The following KIAA1549L variants were observed in gnomAD, a reference collection of about 807,000 sequenced individuals.
KIAA1549L encodes the protein UPF0606 protein KIAA1549L.
Under a neutral mutation model 160.7 loss-of-function variants are expected in KIAA1549L, and 88 were observed. The ratio of observed to expected loss-of-function variants is 0.55; its 90% CI spans 0.46 to 0.65. KIAA1549L has a LOEUF of 0.65. Among genes scored for constraint, KIAA1549L ranks in the 30% least tolerant of loss-of-function variants. KIAA1549L has a pLI of 0.00. For missense variants in KIAA1549L, 2,258 were observed against 2,437.5 expected (o/e 0.93, Z 1.55); for synonymous variants, 950 against 976.7 (o/e 0.97, Z 0.51).
At chr11:33,417,509 A>G (rs886782820) in intron 1 of KIAA1549L, among the ~76,000 whole-genome samples, 1 of 152,216 alleles carries the variant, frequency 6.6e-6, no homozygotes, top group Admixed American at 6.5e-5. Context: ...ATTGCCTTGC[A>G]TGACCTGCCC....
chr11:33,449,246 C>G (rs75457615), intron 1 of KIAA1549L, among the ~76,000 whole-genome samples: 7 of 147,090 alleles, frequency 4.8e-5, no homozygotes, highest in African/African-American at 1.5e-4. Flanking sequence ...TTTTTTTTTT[C>G]TGTGTGTGAT....
intron 1 of KIAA1549L, among the ~76,000 whole-genome samples, chr11:33,506,345 C>T (rs1019948380): frequency 6.6e-6 from 1 of 152,180 alleles, no homozygotes; most frequent in African/African-American, 2.4e-5. Flanking sequence ...GCTGGGGCTG[C>T]AAGGCGCTCG....
rs1440666374 is a variant in KIAA1549L, at chr11:33,602,019, A to G, written c.4879+3072A>G. On this transcript the variant is annotated intron_variant, in intron 13 of 20. Coordinates refer to ENST00000658780, the MANE Select transcript of KIAA1549L (RefSeq NM_012194.3). Reference sequence around the variant, plus strand: ...GAGCCAATTTCTAAACATGGAAAATATGTTTAATAGGAAAGAGTTAAAAGT... The same window carrying G: ...GAGCCAATTTCTAAACATGGAAAATGTGTTTAATAGGAAAGAGTTAAAAGT... Among the ~76,000 whole-genome samples, 72 of 152,264 alleles carry G rather than the reference A, an allele frequency of 4.7e-4. 1 individual carries two copies. The highest frequency in any genetic ancestry group is 1.5e-5 in the Non-Finnish European group (1 of 68,046).
At chr11:33,444,482 T>C (rs998654275) in intron 1 of KIAA1549L, among the ~76,000 whole-genome samples, 3 of 152,224 alleles carry the variant, frequency 2.0e-5, no homozygotes, top group African/African-American at 7.2e-5. Context: ...GCACTGGTAA[T>C]TGGTGTCAGC....
chr11:33,539,850 C>T (rs903940418), intron 1 of KIAA1549L, among the ~76,000 whole-genome samples: 4 of 152,212 alleles, frequency 2.6e-5, no homozygotes, highest in South Asian at 4.1e-4. Context: ...GTGGGAGAGC[C>T]GGAAAGATAT....
intron 1 of KIAA1549L, among the ~76,000 whole-genome samples, chr11:33,472,362 C>G (rs903139643): frequency 2.7e-5 from 4 of 148,112 alleles, no homozygotes; most frequent in Non-Finnish European, 5.9e-5. Flanking sequence ...CTCAAGAGAT[C>G]CTCCCATTTC....
In KIAA1549L at chr11:33,614,231, AACTGTCCTTCCCAGGCT is replaced by A. The variant is rs555132135; in HGVS notation, c.5279+4274_5280-4277del. ...TCTGGGGCCTTGCTGACCCCAGAGA[AACTGTCCTTCCCAGGCT>A]ACTGTCCTCCCCAGGCTAGTAAAGG... On this transcript the variant is annotated intron_variant, in intron 15 of 20. Coordinates refer to ENST00000658780, the MANE Select transcript of KIAA1549L (RefSeq NM_012194.3). 2.3e-4 allele frequency among the ~76,000 whole-genome samples: 35 copies of A among 152,124 alleles called. 2 individuals are homozygous for A. The South Asian group carries it at 7.1e-3, about 31-fold the overall frequency.
chr11:33,488,130 A>G (rs1852571343), intron 1 of KIAA1549L, among the ~76,000 whole-genome samples: 1 of 152,232 alleles, frequency 6.6e-6, no homozygotes, highest in Non-Finnish European at 1.5e-5. Flanking sequence ...GCACTTCTAA[A>G]TATGGTTGGC....
intron 1 of KIAA1549L, among the ~76,000 whole-genome samples, chr11:33,428,205 G>A (rs912750738): frequency 5.9e-5 from 9 of 152,204 alleles, no homozygotes; most frequent in African/African-American, 2.2e-4. Flanking sequence ...TTTGCAGCTT[G>A]GACCAAGTGG....
chr11:33,543,236 C>G lies in KIAA1549L; in HGVS notation c.1673C>G (p.Pro558Arg), dbSNP rs1482597673. ...PNLLSTSWTF[P>R]RWKKDSVTAI... Reference sequence around the variant, plus strand: ...CTTCTTTCCACATCTTGGACATTTCCCCGGTGGAAAAAGGACAGTGTGACA... The same window carrying G: ...CTTCTTTCCACATCTTGGACATTTCGCCGGTGGAAAAAGGACAGTGTGACA... The change falls in exon 2 of 21, where the codon CCC becomes CGC. Residue 558 changes from proline (P) to arginine (R), a missense_variant. By Grantham distance (103) the Pro-to-Arg change is moderately radical. Coordinates refer to ENST00000658780, the MANE Select transcript of KIAA1549L (RefSeq NM_012194.3). 1 of 1,613,986 alleles carries G rather than the reference C, an allele frequency of 6.2e-7. No individual in the cohort carries two copies. The highest frequency in any genetic ancestry group is 8.5e-7 in the Non-Finnish European group (1 of 1,179,884).
intron 1 of KIAA1549L, among the ~76,000 whole-genome samples, chr11:33,435,802 A>ATATGTGTGTG (rs1565135923): frequency 2.4e-4 from 4 of 16,476 alleles, no homozygotes; most frequent in African/African-American, 3.9e-4. Context: ...ATATATATAT[A>ATATGTGTGTG]TATATATATG....
rs77478311 is a variant in KIAA1549L at position 33,448,969 on chromosome 11, C to T, written c.238+72080C>T. On this transcript the variant is annotated intron_variant, in intron 1 of 20. Transcript: ENST00000658780. ...GTTACTCACCTCTTCGCACACTTAG[C>T]GCTGTAATTGTTCAGTATCAAAGAA... is the stretch of plus-strand genomic sequence containing the variant. 1.2e-4 allele frequency among the ~76,000 whole-genome samples: 18 copies of T among 152,222 alleles called. No individual in the cohort carries two copies. In the East Asian group the frequency reaches 3.1e-3, roughly 26 times the overall value.
At chr11:33,381,188 C>T (rs532199853) in intron 1 of KIAA1549L, among the ~76,000 whole-genome samples, 1 of 152,154 alleles carries the variant, frequency 6.6e-6, no homozygotes, top group Admixed American at 6.5e-5. Flanking sequence ...TTGAGTAATA[C>T]TGACGATGCA....
intron 16 of KIAA1549L, among the ~76,000 whole-genome samples, chr11:33,637,742 A>G (rs1190900510): frequency 1.3e-5 from 2 of 152,136 alleles, no homozygotes; most frequent in African/African-American, 4.8e-5. Context: ...CCCTTTGTAC[A>G]TGCTGTGTCC....
chr11:33,582,520 C>T (rs1855676782), intron 10 of KIAA1549L, among the ~76,000 whole-genome samples: 1 of 152,178 alleles, frequency 6.6e-6, no homozygotes, highest in Admixed American at 6.5e-5. Context: ...ACAGACCAAA[C>T]CTACCATGGA....
In KIAA1549L at chr11:33,544,225, C is replaced by T; in HGVS notation, c.2662C>T (p.Gln888Ter). 6.2e-7 allele frequency: 1 copy of T among 1,613,986 alleles called. No individual in the cohort carries two copies. Among genetic ancestry groups the T allele is most frequent in the Non-Finnish European group, 8.5e-7 (1 of 1,179,876 alleles). The change falls in exon 2 of 21, where the codon CAG becomes TAG. Residue 888 changes from glutamine to a stop codon, truncating the protein, a stop_gained. Transcript: ENST00000658780. LOFTEE classifies it high-confidence loss of function. ...TGAGAGAAATGCTTCCACACCATTC[C>T]AGAACATCTTGGGATATCACTCTGC... The part of the protein sequence containing the change: ...SPERNASTPF[Q>*]NILGYHSAAE...
chr11:33,557,412 C>G (rs1854686757), intron 6 of KIAA1549L, among the ~76,000 whole-genome samples: 1 of 150,538 alleles, frequency 6.6e-6, no homozygotes, highest in Non-Finnish European at 1.5e-5. Flanking sequence ...TTAAATTGTT[C>G]AGAAAGAAAT....
intron 1 of KIAA1549L, among the ~76,000 whole-genome samples, chr11:33,492,947 C>G (rs1366771419): frequency 6.6e-6 from 1 of 151,776 alleles, no homozygotes; most frequent in Non-Finnish European, 1.5e-5. Context: ...TATTCGTGAT[C>G]AGGAAAACAC....
At chr11:33,457,783 A>G (rs1292201053) in intron 1 of KIAA1549L, among the ~76,000 whole-genome samples, 3 of 152,194 alleles carry the variant, frequency 2.0e-5, no homozygotes, top group Admixed American at 6.5e-5. Flanking sequence ...GGAATTGGAT[A>G]TGCCCATGAA....
Sources: allele counts gnomAD v4.1 joint callset (sites outside exome capture counted in the v4.1 genomes callset), GRCh38; gene constraint gnomAD v4.1.1; transcripts MANE v1.5; gene names NCBI Gene and HGNC (gene_info 2026-07-23, HGNC 2026-07-21).